DROSHA: variants seen among roughly 807,000 people sequenced by gnomAD.
DROSHA encodes the protein drosha ribonuclease III, also known as ribonuclease 3.
Under a neutral mutation model 181.9 loss-of-function variants are expected in DROSHA, and 56 were observed. The ratio of observed to expected loss-of-function variants is 0.31; its 90% CI spans 0.25 to 0.38. The LOEUF (loss-of-function observed/expected upper bound fraction) is 0.38. Ranked by LOEUF, DROSHA falls within the 10% of genes least tolerant of loss-of-function variation. The probability of loss-of-function intolerance (pLI) is 1.00; values close to 1 mark genes in which losing one functional copy is unlikely to be tolerated. For missense variants in DROSHA, 1,218 were observed against 1,743.5 expected, an observed-to-expected ratio of 0.70 and a Z score of 5.37; for synonymous variants, 524 against 591.2, an observed-to-expected ratio of 0.89 and a Z score of 1.65.
At chr5:31,469,670 G>A (rs1436592861) in intron 17 of DROSHA, among the ~76,000 whole-genome samples, 2 of 151,238 alleles carry the variant, frequency 1.3e-5, no homozygotes, top group African/African-American at 2.4e-5. Context: ...CCATGCCATG[G>A]TACCAACACA....
intron 23 of DROSHA, among the ~76,000 whole-genome samples, chr5:31,446,657 C>A (rs1746336021): frequency 7.1e-6 from 1 of 139,900 alleles, no homozygotes; most frequent in African/African-American, 2.7e-5. Flanking sequence ...GGCAACATAG[C>A]AAGAGCCCTG....
At chr5:31,480,780 GA>G in intron 16 of DROSHA, among the ~76,000 whole-genome samples, 1 of 152,088 alleles carries the variant, frequency 6.6e-6, no homozygotes, top group Non-Finnish European at 1.5e-5. Context: ...TAGCACTAGT[GA>G]TACAACAAGA....
rs1313404679 is a variant in DROSHA at position 31,523,512 on chromosome 5, T to TTG, written c.855-2298_855-2297insCA. Among the ~76,000 whole-genome samples the TTG allele has an allele frequency of 9.0e-3, 1,364 of 152,258 alleles. 26 individuals are homozygous for TTG. Among genetic ancestry groups the TTG allele is most frequent in the African/African-American group, 0.031 (1,287 of 41,536 alleles). The stretch of plus-strand genomic sequence containing the variant: ...GCAGAGCCCTGACAACTCCTCTAAT[T>TTG]ATAGCATATCAAAACAGAGGCGGAA... On this transcript the variant is annotated intron_variant, in intron 5 of 35. Transcript: ENST00000344624.
chr5:31,515,413 TA>T, intron 7 of DROSHA, 40 bp downstream of exon 7: 2 of 1,125,730 alleles, frequency 1.8e-6, no homozygotes, highest in Non-Finnish European at 2.6e-6. Flanking sequence ...TTTACTTGTT[TA>T]AAAATACAAA....
At chr5:31,452,287 C>T (rs923847201) in intron 20 of DROSHA, among the ~76,000 whole-genome samples, 1 of 152,190 alleles carries the variant, frequency 6.6e-6, no homozygotes, top group Non-Finnish European at 1.5e-5. Context: ...CTAAAGCCCA[C>T]GACTATCCTT....
At chr5:31,484,778 AG>A in intron 15 of DROSHA, 102 bp downstream of exon 15, 1 of 788,056 alleles carries the variant, frequency 1.3e-6, no homozygotes, top group South Asian at 1.8e-5. Flanking sequence ...TTAAAAAATA[AG>A]AGAAATTTCA....
At chr5:31,484,719 T>A (rs945505634) in intron 15 of DROSHA, among the ~76,000 whole-genome samples, 162 bp downstream of exon 15, 2 of 152,216 alleles carry the variant, frequency 1.3e-5, no homozygotes, top group African/African-American at 2.4e-5. Context: ...AACTTATTCA[T>A]GTCAAATGAT....
rs1739913497 is a variant in DROSHA, at chr5:31,400,565, A to T, written c.*867T>A. On this transcript the variant is annotated 3_prime_UTR_variant, in exon 36 of 36. Transcript: ENST00000344624. ...TGTTTAGTTTGGAATAACTTTTTTT[A>T]AAATGTTATGTCTTTGAATGTCATG... The T allele has an allele frequency of 1.3e-5, 2 of 152,194 alleles. No individual in the cohort carries two copies. Among genetic ancestry groups the T allele is most frequent in the South Asian group, 2.1e-4 (1 of 4,822 alleles). 9.4% of individuals were successfully genotyped at this position (152,194 alleles called of 1,614,324 possible). A position where few individuals can be genotyped will look rare whatever the true frequency, so the allele number is the denominator to read the frequency against.
At position 31,451,646 on chromosome 5, in the gene DROSHA, A is replaced by C; in HGVS notation, c.2575-6T>G. 1 of 1,490,746 alleles carries C rather than the reference A, an allele frequency of 6.7e-7. No individual in the cohort carries two copies. The highest frequency in any genetic ancestry group is 9.1e-7 in the Non-Finnish European group (1 of 1,094,506). 92.3% of individuals were successfully genotyped at this position (1,490,746 alleles called of 1,614,324 possible). On this transcript the variant is annotated splice_region_variant and splice_polypyrimidine_tract_variant and intron_variant, in intron 20 of 35. Transcript: ENST00000344624. ...ACAGGTAGCATCATTGCATGCTAGG[A>C]AAAAAAAAATTCAATATGTTTAACT...
At chr5:31,466,107 G>A in intron 19 of DROSHA, 75 bp downstream of exon 19, 2 of 1,433,158 alleles carry the variant, frequency 1.4e-6, no homozygotes, top group Non-Finnish European at 2.0e-6. Context: ...CAGAAGTATA[G>A]TGTGATACAA....
chr5:31,455,743 T>C (rs1203621653), intron 20 of DROSHA, among the ~76,000 whole-genome samples: 1 of 151,472 alleles, frequency 6.6e-6, no homozygotes, highest in East Asian at 1.9e-4. Flanking sequence ...CAGGCTCAAG[T>C]GATCCTCCCA....
chr5:31,457,123 CTT>C (rs5867080), intron 20 of DROSHA, among the ~76,000 whole-genome samples: 10 of 99,114 alleles, frequency 1.0e-4, no homozygotes, highest in African/African-American at 3.5e-4. Context: ...GAAATTAAGC[CTT>C]TTTTTTTTTT....
chr5:31,474,291 A>G (rs1051287944), intron 16 of DROSHA, among the ~76,000 whole-genome samples: 1 of 152,234 alleles, frequency 6.6e-6, no homozygotes, highest in Non-Finnish European at 1.5e-5. Flanking sequence ...AAAAGTCATC[A>G]GTAATAAGCT....
intron 20 of DROSHA, among the ~76,000 whole-genome samples, chr5:31,452,569 AC>A (rs1747158616): frequency 6.6e-6 from 1 of 152,188 alleles, no homozygotes; most frequent in Non-Finnish European, 1.5e-5. Context: ...TGGAGGATGG[AC>A]CCAGCCCACA....
At chr5:31,436,185 G>A (rs1744760520) in intron 24 of DROSHA, among the ~76,000 whole-genome samples, 1 of 152,152 alleles carries the variant, frequency 6.6e-6, no homozygotes, top group Non-Finnish European at 1.5e-5. Flanking sequence ...AAAATTGGGA[G>A]TGAAACAAAT....
intron 23 of DROSHA, among the ~76,000 whole-genome samples, chr5:31,446,694 A>G (rs971097389): frequency 4.7e-5 from 7 of 149,650 alleles, no homozygotes; most frequent in African/African-American, 1.2e-4. Context: ...AAAAAAAAAA[A>G]GGTTAAGATG....
At chr5:31,471,640 T>G (rs375292835) in intron 17 of DROSHA, among the ~76,000 whole-genome samples, 3 of 151,840 alleles carry the variant, frequency 2.0e-5, no homozygotes, top group African/African-American at 7.3e-5. Context: ...AAAGAAAACA[T>G]GAATGGGCAA....
intron 30 of DROSHA, among the ~76,000 whole-genome samples, chr5:31,420,467 C>G (rs530468880): frequency 2.0e-5 from 3 of 152,254 alleles, no homozygotes; most frequent in East Asian, 3.9e-4. Flanking sequence ...CAGTACGCAA[C>G]AAATAAAAAA....
intron 23 of DROSHA, among the ~76,000 whole-genome samples, chr5:31,446,346 C>A (rs1746267412): frequency 6.8e-6 from 1 of 147,590 alleles, no homozygotes; most frequent in Non-Finnish European, 1.5e-5. Context: ...ACTCGGTAGG[C>A]TGAGGCGGGA....
Sources: gnomAD v4.1 joint callset for allele counts (sites outside exome capture counted in the v4.1 genomes callset) on GRCh38, gnomAD v4.1.1 for gene constraint, MANE v1.5 for transcripts, NCBI Gene and HGNC (gene_info 2026-07-23, HGNC 2026-07-21) for gene names.